The following SUSD1 variants were observed in gnomAD, a reference collection of about 807,000 sequenced individuals.
The protein encoded by SUSD1 is sushi domain-containing protein 1.
In SUSD1, 65 loss-of-function variants were observed where a neutral mutation model predicts 86.9. The ratio of observed to expected loss-of-function variants is 0.75; its 90% CI spans 0.61 to 0.92. SUSD1 has a LOEUF of 0.92. Among genes scored for constraint, SUSD1 ranks in the 40% least tolerant of loss-of-function variants. The pLI, the probability that SUSD1 is intolerant of heterozygous loss-of-function variation, is 0.00. For synonymous variants in SUSD1, 346 were observed against 350.0 expected, an observed-to-expected ratio of 0.99 and a Z score of 0.13; for missense variants, 850 against 929.7, an observed-to-expected ratio of 0.91 and a Z score of 1.11.
At chr9:112,155,941 GAGGAAGGATGGA>G (rs1473228993) in intron 2 of SUSD1, among the ~76,000 whole-genome samples, 1 of 150,560 alleles carries the variant, frequency 6.6e-6, no homozygotes, top group Non-Finnish European at 1.5e-5. Flanking sequence ...GGAAGAGAAG[GAGGAAGGATGGA>G]AGGAAGGAAA....
chr9:112,052,105 T>G, intron 15 of SUSD1: 1 of 1,339,266 alleles, frequency 7.5e-7, no homozygotes, highest in Non-Finnish European at 9.6e-7. Flanking sequence ...GCCAAGTGAC[T>G]CTTAGAAACA....
chr9:112,104,426 C>T (rs1302418283), intron 8 of SUSD1, among the ~76,000 whole-genome samples: 1 of 151,882 alleles, frequency 6.6e-6, no homozygotes. Context: ...TAATAATAGT[C>T]CTTCTTTAGC....
chr9:112,128,537 G>A (rs1022338396), intron 5 of SUSD1, among the ~76,000 whole-genome samples: 1 of 152,154 alleles, frequency 6.6e-6, no homozygotes, highest in Non-Finnish European at 1.5e-5. Flanking sequence ...GGGATTACAG[G>A]TGCCTGCAAC....
At chr9:112,165,139 A>C (rs1405678516) in intron 1 of SUSD1, among the ~76,000 whole-genome samples, 2 of 152,148 alleles carry the variant, frequency 1.3e-5, no homozygotes, top group Non-Finnish European at 2.9e-5. Context: ...TAAAGTTCTG[A>C]CATTTCCTTC....
Position 112,167,113 on chromosome 9 carries a change from A to ATTT in SUSD1, c.103+8017_103+8019dup, listed in dbSNP as rs35987573. ...AGCAAGTTAAACTGTCAGTTCTCCA[A>ATTT]TTTTTTTTTGTCTCCCTCTTTCACC... On this transcript the variant is annotated intron_variant, in intron 1 of 16. Coordinates refer to ENST00000374270, the MANE Select transcript of SUSD1 (RefSeq NM_022486.5). Among the ~76,000 whole-genome samples, 389 of 149,842 alleles carry ATTT rather than the reference A, an allele frequency of 2.6e-3. 2 individuals carry two copies. Among genetic ancestry groups the ATTT allele is most frequent in the African/African-American group, 7.7e-3 (313 of 40,812 alleles).
chr9:112,072,155 T>C (rs867596906), intron 12 of SUSD1, among the ~76,000 whole-genome samples: 1 of 140,124 alleles, frequency 7.1e-6, no homozygotes, highest in African/African-American at 2.7e-5. Context: ...TTTTTTTTTT[T>C]TGTTTTTTTT....
chr9:112,174,292 A>G (rs941854151), intron 1 of SUSD1, among the ~76,000 whole-genome samples: 1 of 152,164 alleles, frequency 6.6e-6, no homozygotes, highest in Non-Finnish European at 1.5e-5. Flanking sequence ...GCCCAGCTCA[A>G]GGGTCACCAC....
At chr9:112,112,066 G>A in intron 7 of SUSD1, 1 of 428,634 alleles carries the variant, frequency 2.3e-6, no homozygotes, top group Non-Finnish European at 4.1e-6. Flanking sequence ...GTGCTCTCCT[G>A]CACACAAATG....
chr9:112,058,399 A>T (rs1449010692), intron 14 of SUSD1, 29 bp downstream of exon 14: 18 of 1,597,546 alleles, frequency 1.1e-5, no homozygotes, highest in Non-Finnish European at 1.5e-5. Flanking sequence ...GAAAATACAG[A>T]GTTCACAAGA....
intron 13 of SUSD1, among the ~76,000 whole-genome samples, chr9:112,060,411 G>A (rs770748786): frequency 3.3e-5 from 5 of 152,190 alleles, no homozygotes; most frequent in Non-Finnish European, 5.9e-5. Context: ...ACAGGCACTC[G>A]CCACTATGCC....
At chr9:112,164,998 T>G (rs1350612156) in intron 1 of SUSD1, among the ~76,000 whole-genome samples, 1 of 152,192 alleles carries the variant, frequency 6.6e-6, no homozygotes, top group African/African-American at 2.4e-5. Flanking sequence ...GATCTTAACC[T>G]TTGTTAAACT....
intron 12 of SUSD1, 138 bp from the exon 13 acceptor site, chr9:112,063,171 G>A: frequency 2.0e-6 from 1 of 497,414 alleles, no homozygotes; most frequent in Admixed American, 3.5e-5. Context: ...ATGCCACAAT[G>A]TGGAAGAACA....
At chr9:112,144,800 T>A (rs1218543304) in intron 3 of SUSD1, among the ~76,000 whole-genome samples, 3 of 122,018 alleles carry the variant, frequency 2.5e-5, no homozygotes, top group African/African-American at 1.1e-4. Flanking sequence ...GGACAGGACA[T>A]GCCCTTTTGC....
In SUSD1 at chr9:112,112,709, G is replaced by T; in HGVS notation, c.984+62C>A. On this transcript the variant is annotated intron_variant, in intron 7 of 16. Coordinates refer to ENST00000374270, the MANE Select transcript of SUSD1 (RefSeq NM_022486.5). ...AGCTCTCACGGAAGCAAGTCCCTCT[G>T]ACTCATATTCCCATGGGTGACGTGT... is the stretch of plus-strand genomic sequence containing the variant. The T allele has an allele frequency of 2.7e-6, 3 of 1,111,920 alleles. No individual in the cohort carries two copies. The South Asian group carries it at 3.8e-5, about 14-fold the overall frequency. 68.9% of individuals were successfully genotyped at this position (1,111,920 alleles called of 1,614,324 possible).
intron 8 of SUSD1, among the ~76,000 whole-genome samples, chr9:112,110,859 C>T (rs1036712931): frequency 6.6e-6 from 1 of 152,066 alleles, no homozygotes; most frequent in Non-Finnish European, 1.5e-5. Context: ...CAGCTAACAC[C>T]TACCCTCCTG....
In SUSD1 at chr9:112,075,958, G is replaced by A. The variant is rs1387510998; in HGVS notation, c.1753+2580C>T. Reference sequence around the variant, plus strand: ...GCTGGAAAAACTTTGACCCATTGAAGGAACTGCAAGAAGGCCAGGGAGACA... The same window carrying A: ...GCTGGAAAAACTTTGACCCATTGAAAGAACTGCAAGAAGGCCAGGGAGACA... On this transcript the variant is annotated intron_variant, in intron 12 of 16. Coordinates refer to ENST00000374270, the MANE Select transcript of SUSD1 (RefSeq NM_022486.5). Among the ~76,000 whole-genome samples the A allele has an allele frequency of 3.3e-5, 5 of 152,134 alleles. No homozygotes were observed. The South Asian group carries it at 6.2e-4, about 19-fold the overall frequency.
chr9:112,063,112 C>A, intron 12 of SUSD1, 79 bp from the exon 13 acceptor site: 1 of 850,084 alleles, frequency 1.2e-6, no homozygotes, highest in Admixed American at 2.1e-5. Flanking sequence ...CTCGTGAGGG[C>A]TATCAAAAAG....
chr9:112,154,916 A>C (rs1266718009), intron 2 of SUSD1, among the ~76,000 whole-genome samples: 1 of 152,100 alleles, frequency 6.6e-6, no homozygotes, highest in African/African-American at 2.4e-5. Context: ...TAAATTAATA[A>C]AGCCCTTTCT....
rs867771444 is a variant in SUSD1 at position 112,080,410 on chromosome 9, G to A, written c.1475-245C>T. On this transcript the variant is annotated intron_variant, in intron 10 of 16. Coordinates refer to ENST00000374270, the MANE Select transcript of SUSD1 (RefSeq NM_022486.5). ...CTCTTAAGAATTATTTGAGTGGGCC[G>A]GGCACAGTGGCTCACGCCTGTAACC... 6.6e-5 allele frequency among the ~76,000 whole-genome samples: 10 copies of A among 152,120 alleles called. No homozygotes were observed. In the South Asian group the frequency reaches 1.7e-3, roughly 25 times the overall value.
Sources: allele counts gnomAD v4.1 joint callset (sites outside exome capture counted in the v4.1 genomes callset), GRCh38; gene constraint gnomAD v4.1.1; transcripts MANE v1.5; gene names NCBI Gene and HGNC (gene_info 2026-07-23, HGNC 2026-07-21).